The following MTRR variants were observed in gnomAD, a reference collection of about 807,000 sequenced individuals.
The protein encoded by MTRR is 5-methyltetrahydrofolate-homocysteine methyltransferase reductase, also known as methionine synthase reductase.
MTRR carries 63 observed loss-of-function variants against 79.2 expected under a neutral mutation model. The ratio of observed to expected loss-of-function variants is 0.80; its 90% CI spans 0.65 to 0.98. The LOEUF is 0.98. Among genes scored for constraint, MTRR ranks in the 50% least tolerant of loss-of-function variants. The probability of loss-of-function intolerance (pLI) is 0.00; values close to 1 mark genes in which losing one functional copy is unlikely to be tolerated. For synonymous variants in MTRR, 355 were observed against 313.3 expected, an observed-to-expected ratio of 1.13 and a Z score of -1.41; for missense variants, 895 against 839.6, an observed-to-expected ratio of 1.07 and a Z score of -0.82.
At chr5:7,884,329 C>T (rs1261796709) in intron 6 of MTRR, among the ~76,000 whole-genome samples, 3 of 152,086 alleles carry the variant, frequency 2.0e-5, no homozygotes, top group East Asian at 1.9e-4. Flanking sequence ...TCCCAGGACC[C>T]CTTTCAGATA....
intron 2 of MTRR, among the ~76,000 whole-genome samples, chr5:7,872,005 AT>A (rs3836787): frequency 0.52 from 78,665 of 150,814 alleles, 21,943 homozygotes; most frequent in African/African-American, 0.73. Context: ...TGAATGGTGA[AT>A]TTTTTTTTTT....
chr5:7,853,513 A>G (rs1418098085), intron 1 of MTRR, among the ~76,000 whole-genome samples: 1 of 152,224 alleles, frequency 6.6e-6, no homozygotes, highest in Non-Finnish European at 1.5e-5. Context: ...TGAGTCTGAG[A>G]CAAGGGCCTG....
chr5:7,892,961 G>A lies in MTRR; in HGVS notation c.1557+48G>A, dbSNP rs770957139. 1.0e-5 allele frequency: 16 copies of A among 1,563,028 alleles called. No homozygotes were observed. The Admixed American group carries it at 1.1e-4, about 11-fold the overall frequency. ...TCAGCATTGTTAACTCATACTCTTTGTTTCATTAGAAAAAACAGTGTTGTC... is the reference window on the plus strand; with the variant it reads ...TCAGCATTGTTAACTCATACTCTTTATTTCATTAGAAAAAACAGTGTTGTC... On this transcript the variant is annotated intron_variant, in intron 11 of 14. Transcript: ENST00000440940.
chr5:7,867,091 G>A (rs759461629), upstream of MTRR: 5 of 1,614,010 alleles, frequency 3.1e-6, no homozygotes, highest in East Asian at 2.2e-5. Flanking sequence ...TAAGCTCCTC[G>A]TTAGTGAAAT....
intron 11 of MTRR, among the ~76,000 whole-genome samples, 190 bp from the exon 12 acceptor site, chr5:7,895,544 A>G (rs1738357070): frequency 6.6e-6 from 1 of 152,200 alleles, no homozygotes; most frequent in Admixed American, 6.5e-5. Flanking sequence ...GAAAAGAAAA[A>G]TTTGCAAGAC....
chr5:7,874,515 C>T (rs1004978401), intron 3 of MTRR, among the ~76,000 whole-genome samples: 3 of 149,548 alleles, frequency 2.0e-5, no homozygotes, highest in African/African-American at 7.4e-5. Context: ...TAGGCCTAAG[C>T]GTGGAACCAC....
rs1046022148 is a variant in MTRR, at chr5:7,877,802, A to G, written c.402-142A>G. The G allele has an allele frequency of 1.7e-5, 19 of 1,109,820 alleles. No homozygotes were observed. In the South Asian group the frequency reaches 2.3e-4, roughly 14 times the overall value. 68.7% of individuals were successfully genotyped at this position (1,109,820 alleles called of 1,614,324 possible). A position where few individuals can be genotyped will look rare whatever the true frequency, so the allele number is the denominator to read the frequency against. On this transcript the variant is annotated intron_variant, in intron 4 of 14. Coordinates refer to ENST00000440940, the MANE Select transcript of MTRR (RefSeq NM_002454.3). ...GCTTGTTAAAACTTAATCATGAAGT[A>G]TTTTTTGTATTCCGAATGGTCTTCA...
At chr5:7,869,517 A>T in intron 1 of MTRR, 1 of 385,074 alleles carries the variant, frequency 2.6e-6, no homozygotes, top group Non-Finnish European at 4.8e-6. Flanking sequence ...TTCCAGGCCT[A>T]GGGAAACCGC....
intron 11 of MTRR, among the ~76,000 whole-genome samples, chr5:7,895,420 C>T (rs1561279760): frequency 6.6e-6 from 1 of 152,060 alleles, no homozygotes; most frequent in Non-Finnish European, 1.5e-5. Context: ...ATTGTCTGCC[C>T]ACCAGAAAGC....
intron 13 of MTRR, 39 bp downstream of exon 13, chr5:7,896,995 G>T (rs1351331262): frequency 1.2e-6 from 2 of 1,611,062 alleles, no homozygotes; most frequent in South Asian, 2.2e-5. Flanking sequence ...ACCACTGAGT[G>T]TACAATTCTA....
intron 4 of MTRR, 78 bp from the exon 5 acceptor site, chr5:7,877,866 G>T: frequency 6.3e-7 from 1 of 1,590,592 alleles, no homozygotes. Context: ...CAAATGGACA[G>T]ACTGTCATTA....
chr5:7,891,684 G>A lies in MTRR; in HGVS notation c.1370+270G>A, dbSNP rs552468339. Among the ~76,000 whole-genome samples, 3 of 152,236 alleles carry A rather than the reference G, an allele frequency of 2.0e-5. 1 individual carries two copies. The highest frequency in any genetic ancestry group is 4.1e-4 in the South Asian group (2 of 4,822). ...GCTCCTCCACATGCTTCCTGTGTCCGTGTGCCCAGCCACCTTCACTGAGTG... is the reference window on the plus strand; with the variant it reads ...GCTCCTCCACATGCTTCCTGTGTCCATGTGCCCAGCCACCTTCACTGAGTG... On this transcript the variant is annotated intron_variant, in intron 10 of 14. Coordinates refer to ENST00000440940, the MANE Select transcript of MTRR (RefSeq NM_002454.3).
intron 1 of MTRR, among the ~76,000 whole-genome samples, chr5:7,853,597 G>C (rs886088117): frequency 5.3e-5 from 8 of 152,204 alleles, no homozygotes; most frequent in Non-Finnish European, 1.0e-4. Flanking sequence ...GAGACACCAA[G>C]GATGCACTAC....
rs993907707 is a variant in MTRR, at chr5:7,863,911, C to T, written n.498+1854C>T. Among the ~76,000 whole-genome samples the T allele has an allele frequency of 7.9e-5, 12 of 152,040 alleles. No individual in the cohort carries two copies. In the East Asian group the frequency reaches 9.7e-4, roughly 12 times the overall value. On this transcript the variant is annotated intron_variant and non_coding_transcript_variant, in intron 2 of 3. Transcript: ENST00000502509. ...TGTTGCCCAGGCTGGAGTACAATGA[C>T]GCGACCTCGGCTCACTGCAACCTCC...
intron 1 of MTRR, chr5:7,869,630 TTCTGCCCGCGGCCGTGAGC>T (rs1366868830): frequency 3.3e-5 from 8 of 244,694 alleles, no homozygotes; most frequent in Non-Finnish European, 5.7e-5. Flanking sequence ...CGGCCGTGAG[TTCTGCCCGCGGCCGTGAGC>T]TCTGCCCACC....
chr5:7,863,138 C>T (rs1746675777), intron 2 of MTRR: 1 of 718,782 alleles, frequency 1.4e-6, no homozygotes, highest in South Asian at 1.6e-5. Context: ...GGACAGGCAT[C>T]TCTCTCAAAA....
In MTRR at chr5:7,883,236, G is replaced by C; in HGVS notation, c.862G>C (p.Asp288His). ...ISKAVQLTTN[D>H]AIKTTLLVEL... is the part of the protein sequence containing the mutation. Reference sequence around the variant, plus strand: ...AAAGGCAGTTCAACTTACTACGAATGATGCCATAAAAACCACTCTGCTGGT... The same window carrying C: ...AAAGGCAGTTCAACTTACTACGAATCATGCCATAAAAACCACTCTGCTGGT... Residue 288 changes from aspartate to histidine, a missense_variant, in exon 6 of 15, where the codon GAT becomes CAT. Asp to His is a moderately conservative substitution (Grantham distance 81). Coordinates refer to ENST00000440940, the MANE Select transcript of MTRR (RefSeq NM_002454.3). 6.2e-7 allele frequency: 1 copy of C among 1,614,234 alleles called. No homozygotes were observed. Among genetic ancestry groups the C allele is most frequent in the South Asian group, 1.1e-5 (1 of 91,084 alleles).
rs192942300 is a variant in MTRR, at chr5:7,877,925, G to A, written c.402-19G>A. On this transcript the variant is annotated intron_variant, in intron 4 of 14. Coordinates refer to ENST00000440940, the MANE Select transcript of MTRR (RefSeq NM_002454.3). ...AACTTAGGCATTTGTTTTGTTTTTC[G>A]TTTGTTTTTACTGTCCAGTTTAGAA... The A allele has an allele frequency of 3.4e-5, 55 of 1,610,336 alleles. No individual in the cohort carries two copies. The highest frequency in any genetic ancestry group is 3.3e-4 in the East Asian group (15 of 44,856).
At chr5:7,894,918 T>C (rs1738250131) in intron 11 of MTRR, among the ~76,000 whole-genome samples, 1 of 152,234 alleles carries the variant, frequency 6.6e-6, no homozygotes, top group Non-Finnish European at 1.5e-5. Flanking sequence ...AATGTAATGT[T>C]AACTAGTTTC....
Sources: gnomAD v4.1 joint callset for allele counts (sites outside exome capture counted in the v4.1 genomes callset) on GRCh38, gnomAD v4.1.1 for gene constraint, MANE v1.5 for transcripts, NCBI Gene and HGNC (gene_info 2026-07-23, HGNC 2026-07-21) for gene names.